Variants in PTCRA observed in about 807,000 individuals in gnomAD.
The protein encoded by PTCRA is pre T cell antigen receptor alpha.
In PTCRA, 9 loss-of-function variants were observed where a neutral mutation model predicts 13.4. The ratio of observed to expected loss-of-function variants is 0.67; its 90% confidence interval spans 0.41 to 1.18. The LOEUF is 1.18. PTCRA is among the 50% of genes most tolerant of loss of function. The pLI is 0.01. For synonymous variants in PTCRA, 153 were observed against 161.9 expected (o/e 0.94, Z 0.42); for missense variants, 353 against 359.8 (o/e 0.98, Z 0.15).
At chr6:42,922,624 C>T (rs1435609839) in intron 1 of PTCRA, among the ~76,000 whole-genome samples, 1 of 151,704 alleles carries the variant, frequency 6.6e-6, no homozygotes, top group East Asian at 1.9e-4. Context: ...CCTGTAGTCC[C>T]AGCTACTCAG....
At chr6:42,924,700 CG>C (rs1767340609) in intron 3 of PTCRA, among the ~76,000 whole-genome samples, 1 of 152,002 alleles carries the variant, frequency 6.6e-6, no homozygotes, top group Non-Finnish European at 1.5e-5. Flanking sequence ...AGGCCGGGTG[CG>C]GTGGCTCACA....
In PTCRA at chr6:42,925,740, A is replaced by G; in HGVS notation, c.*58A>G. 1.6e-6 allele frequency: 2 copies of G among 1,261,436 alleles called. No individual in the cohort carries two copies. The highest frequency in any genetic ancestry group is 1.5e-5 in the African/African-American group (1 of 66,134). The allele number at this position is 1,261,436 out of a possible 1,614,324, so 78.1% of individuals were successfully genotyped here. ...TGTGAGGCTGTGTCTCTGCCATCCA[A>G]AAGGGGGCCCCTTGAGAATGGTGAT... On this transcript the variant is annotated 3_prime_UTR_variant, in exon 4 of 4. Coordinates refer to ENST00000304672, the MANE Select transcript of PTCRA (RefSeq NM_138296.3). This position sits in a 1 kb window ranked among gnomAD's most constrained non-coding sequence, Gnocchi z 4.4.
At chr6:42,924,896 G>A (rs1227820740) in intron 3 of PTCRA, among the ~76,000 whole-genome samples, 7 of 151,916 alleles carry the variant, frequency 4.6e-5, no homozygotes, top group African/African-American at 1.2e-4. Flanking sequence ...ACTTGAACCC[G>A]GGAGGTGGAG....
At position 42,925,381 on chromosome 6, in the gene PTCRA, C is replaced by T. The variant is rs1340638896; in HGVS notation, c.545C>T (p.Pro182Leu). The T allele has an allele frequency of 1.3e-6, 2 of 1,555,084 alleles. No homozygotes were observed. Among genetic ancestry groups the T allele is most frequent in the African/African-American group, 2.7e-5 (2 of 73,414 alleles). The part of the protein sequence containing the change: ...LCDPAGPLPS[P>L]ATTTRLRALG... The stretch of plus-strand genomic sequence containing the variant: ...GACCCCGCGGGCCCGCTGCCTTCCC[C>T]CGCAACCACCACCCGCCTGCGAGCC... The change falls in exon 4 of 4, where the codon CCC becomes CTC. Residue 182 changes from proline (P) to leucine (L), a missense_variant. By Grantham distance (98) the Pro-to-Leu change is moderately conservative. Coordinates refer to ENST00000304672, the MANE Select transcript of PTCRA (RefSeq NM_138296.3). This position sits in a 1 kb window ranked among gnomAD's most constrained non-coding sequence, Gnocchi z 4.4.
At chr6:42,918,785 A>C (rs1766990610) in intron 1 of PTCRA, among the ~76,000 whole-genome samples, 2 of 124,658 alleles carry the variant, frequency 1.6e-5, no homozygotes, top group Non-Finnish European at 3.2e-5. Context: ...TGTTAGTAGG[A>C]TAATTTTTTT....
intron 1 of PTCRA, among the ~76,000 whole-genome samples, chr6:42,919,585 C>T (rs916215321): frequency 6.7e-6 from 1 of 150,256 alleles, no homozygotes; most frequent in Non-Finnish European, 1.5e-5. Context: ...GGTATGGTGG[C>T]ACGTGCCTGT....
At chr6:42,922,227 C>A in intron 1 of PTCRA, 1 of 702,796 alleles carries the variant, frequency 1.4e-6, no homozygotes, top group East Asian at 2.7e-5. Flanking sequence ...GGTCCTGTTT[C>A]CTTCCCTTCC....
rs920348475 is a variant in PTCRA, at chr6:42,917,561, A to ATTG, written c.58+1436_58+1437insGTT. Among the ~76,000 whole-genome samples, 19 of 142,050 alleles carry ATTG rather than the reference A, an allele frequency of 1.3e-4. No homozygotes were observed. In the East Asian group the frequency reaches 3.6e-3, roughly 27 times the overall value. 93.2% of individuals were successfully genotyped at this position (142,050 alleles called of 152,430 possible). A position where few individuals can be genotyped will look rare whatever the true frequency, so the allele number is the denominator to read the frequency against. ...TATTATTATTATTATTATTATTATT[A>ATTG]TTATTATTAGACAGAGTTTGCTCTG... On this transcript the variant is annotated intron_variant, in intron 1 of 3. Transcript: ENST00000304672.
At chr6:42,922,470 C>G (rs749201520) in intron 1 of PTCRA, among the ~76,000 whole-genome samples, 18 of 151,838 alleles carry the variant, frequency 1.2e-4, no homozygotes, top group Non-Finnish European at 2.2e-4. Flanking sequence ...TGGAGGTGGC[C>G]GGGCATGGTG....
rs887958216 is a variant in PTCRA at position 42,925,218 on chromosome 6, G to A, written c.425-43G>A. The A allele has an allele frequency of 2.6e-6, 4 of 1,548,380 alleles. No individual in the cohort carries two copies. The African/African-American group carries it at 4.1e-5, about 16-fold the overall frequency. ...TCCGCCGTTCTCTCCTGGGGTAGGG[G>A]GCTGCGGGCTCCTGCGGGCTCCTGA... On this transcript the variant is annotated intron_variant, in intron 3 of 3. Coordinates refer to ENST00000304672, the MANE Select transcript of PTCRA (RefSeq NM_138296.3). The surrounding 1 kb of genome is among the most constrained non-coding windows in gnomAD (Gnocchi z 4.4).
chr6:42,919,473 G>A (rs1001158845), intron 1 of PTCRA, among the ~76,000 whole-genome samples: 1 of 151,918 alleles, frequency 6.6e-6, no homozygotes, highest in Non-Finnish European at 1.5e-5. Context: ...CAGCACTTTG[G>A]GAGGCCCAGG....
Position 42,923,175 on chromosome 6 carries a change from T to C in PTCRA, c.207T>C (p.Ser69=), listed in dbSNP as rs751138873. 9 of 1,614,264 alleles carry C rather than the reference T, an allele frequency of 5.6e-6. No homozygotes were observed. The South Asian group carries it at 7.7e-5, about 14-fold the overall frequency. ...TCTGGTTCTCAGCCGGCAATGGCAG[T>C]GCACTGGATGCCTTCACCTATGGCC... is the stretch of plus-strand genomic sequence containing the variant. ...SPIWFSAGNG[S]ALDAFTYGPS... The change falls in exon 2 of 4, where the codon AGT becomes AGC. Residue 69 remains serine, a synonymous_variant. Coordinates refer to ENST00000304672, the MANE Select transcript of PTCRA (RefSeq NM_138296.3).
chr6:42,923,122 G>T lies in PTCRA; in HGVS notation c.154G>T (p.Val52Phe), dbSNP rs760520383. Residue 52 changes from valine to phenylalanine, a missense_variant, in exon 2 of 4, where the codon GTT becomes TTT. By Grantham distance (50) the Val-to-Phe change is conservative. Coordinates refer to ENST00000304672, the MANE Select transcript of PTCRA (RefSeq NM_138296.3). ...GGTGGTGGTCTGCCTGGTCCTTGATGTTGCACCCCCTGGCCTTGACAGCCC... is the reference window on the plus strand; with the variant it reads ...GGTGGTGGTCTGCCTGGTCCTTGATTTTGCACCCCCTGGCCTTGACAGCCC... Reference protein sequence around the residue: ...QMVVVCLVLDVAPPGLDSPIW... With the variant: ...QMVVVCLVLDFAPPGLDSPIW... 2.5e-6 allele frequency: 4 copies of T among 1,614,214 alleles called. No individual in the cohort carries two copies. Among genetic ancestry groups the T allele is most frequent in the Non-Finnish European group, 3.4e-6 (4 of 1,180,024 alleles).
intron 1 of PTCRA, among the ~76,000 whole-genome samples, chr6:42,919,658 A>G (rs192484139): frequency 1.3e-5 from 2 of 149,326 alleles, no homozygotes; most frequent in Non-Finnish European, 3.0e-5. Flanking sequence ...TCAAAGCCTC[A>G]GTAAGCCATG....
chr6:42,925,515 C>A lies in PTCRA; in HGVS notation c.679C>A (p.Arg227=). The change falls in exon 4 of 4, where the codon CGG becomes AGG. Residue 227 remains arginine (R), a synonymous_variant. Transcript: ENST00000304672. The surrounding 1 kb of genome is among the most constrained non-coding windows in gnomAD (Gnocchi z 4.4). ...DRRWGDTPPG[R]KPGSPVWGEG... is the part of the protein sequence containing the mutation. ...CCGCTGGGGTGACACCCCTCCGGGTCGGAAGCCCGGGAGCCCAGTATGGGG... is the reference window on the plus strand; with the variant it reads ...CCGCTGGGGTGACACCCCTCCGGGTAGGAAGCCCGGGAGCCCAGTATGGGG... 6.3e-7 allele frequency: 1 copy of A among 1,575,242 alleles called. No individual in the cohort carries two copies. The highest frequency in any genetic ancestry group is 1.8e-5 in the Admixed American group (1 of 54,278).
At chr6:42,921,558 C>CGGGT (rs1767163508) in intron 1 of PTCRA, among the ~76,000 whole-genome samples, 3 of 149,298 alleles carry the variant, frequency 2.0e-5, no homozygotes, top group Non-Finnish European at 4.5e-5. Flanking sequence ...GCTGGGATTA[C>CGGGT]AGGCACACAC....
In PTCRA at chr6:42,925,338, A is replaced by C; in HGVS notation, c.502A>C (p.Thr168Pro). Residue 168 changes from threonine (T) to proline (P), a missense_variant, in exon 4 of 4, where the codon ACC (threonine) becomes CCC (proline). Transcript: ENST00000304672. The surrounding 1 kb of genome is among the most constrained non-coding windows in gnomAD (Gnocchi z 4.4). ...FKLLLFDLLL[T>P]CSCLCDPAGP... ...GCTGCTGCTGTTTGACCTGCTCCTG[A>C]CCTGCAGCTGCCTGTGCGACCCCGC... 6.3e-7 allele frequency: 1 copy of C among 1,579,434 alleles called. No homozygotes were observed. Among genetic ancestry groups the C allele is most frequent in the Non-Finnish European group, 8.6e-7 (1 of 1,166,558 alleles).
At chr6:42,922,220 C>T in intron 1 of PTCRA, 1 of 702,780 alleles carries the variant, frequency 1.4e-6, no homozygotes, top group South Asian at 1.5e-5. Flanking sequence ...CATTCCAGGT[C>T]CTGTTTCCTT....
At chr6:42,923,635 C>T (rs1767296846) in intron 2 of PTCRA, among the ~76,000 whole-genome samples, 1 of 152,200 alleles carries the variant, frequency 6.6e-6, no homozygotes, top group Non-Finnish European at 1.5e-5. Context: ...GATAATCACC[C>T]TGTGTACATG....
Sources: gnomAD v4.1 joint callset for allele counts (sites outside exome capture counted in the v4.1 genomes callset) on GRCh38, gnomAD v4.1.1 for gene constraint, Gnocchi (gnomAD v3.1) non-coding constraint, MANE v1.5 for transcripts, NCBI Gene and HGNC (gene_info 2026-07-23, HGNC 2026-07-21) for gene names.